The following PLOD2 variants were observed in gnomAD, a reference collection of about 807,000 sequenced individuals.
The protein encoded by PLOD2 is lysine hydroxylase 2.
PLOD2 carries 65 observed loss-of-function variants against 101.0 expected under a neutral mutation model. The ratio of observed to expected loss-of-function variants is 0.64; its 90% CI spans 0.53 to 0.79. PLOD2 has a LOEUF of 0.79. Among genes scored for constraint, PLOD2 ranks in the 30% least tolerant of loss-of-function variants. The probability of loss-of-function intolerance (pLI) is 0.00; values close to 1 mark genes in which losing one functional copy is unlikely to be tolerated. For missense variants in PLOD2, 909 were observed against 914.6 expected (o/e 0.99, Z 0.08); for synonymous variants, 314 against 302.9 (o/e 1.04, Z -0.38).
At chr3:146,074,794 A>G (rs2107997717) in intron 15 of PLOD2, among the ~76,000 whole-genome samples, 1 of 151,672 alleles carries the variant, frequency 6.6e-6, no homozygotes, top group Admixed American at 6.6e-5. Context: ...CATTGAGCAA[A>G]CTGTGACTTT....
At chr3:146,087,825 T>C (rs1277130878) in intron 9 of PLOD2, among the ~76,000 whole-genome samples, 1 of 151,860 alleles carries the variant, frequency 6.6e-6, no homozygotes, top group Non-Finnish European at 1.5e-5. Context: ...AAATGCTCAA[T>C]TTTTCACCAT....
chr3:146,132,174 C>T (rs1296339214), intron 1 of PLOD2, among the ~76,000 whole-genome samples: 1 of 152,090 alleles, frequency 6.6e-6, no homozygotes, highest in Non-Finnish European at 1.5e-5. Context: ...GGGTAGTATG[C>T]AGAATGACTC....
At chr3:146,123,815 T>C (rs1171124924) in intron 2 of PLOD2, among the ~76,000 whole-genome samples, 2 of 152,070 alleles carry the variant, frequency 1.3e-5, no homozygotes, top group South Asian at 2.1e-4. Context: ...AAATTATTGT[T>C]TGAGTGGCAC....
intron 5 of PLOD2, among the ~76,000 whole-genome samples, chr3:146,104,825 G>A (rs78359787): frequency 0.022 from 3,338 of 152,198 alleles, 58 homozygotes; most frequent in Middle Eastern, 0.075. Context: ...GCATATATCT[G>A]CTTAAAATAA....
intron 19 of PLOD2, 64 bp downstream of exon 19, chr3:146,070,978 C>A (rs538247828): frequency 9.7e-4 from 1,483 of 1,530,348 alleles, no homozygotes; most frequent in Non-Finnish European, 1.3e-3. Context: ...AGGCCTAAGG[C>A]AAAGTCCTTT....
At chr3:146,117,732 A>C (rs890354454) in intron 3 of PLOD2, among the ~76,000 whole-genome samples, 2 of 152,120 alleles carry the variant, frequency 1.3e-5, no homozygotes, top group African/African-American at 4.8e-5. Context: ...TATATATCCC[A>C]AACACTAACA....
In PLOD2 at chr3:146,072,609, C is replaced by T. The variant is rs754335319; in HGVS notation, c.1800G>A (p.Leu600=). 1.2e-6 allele frequency: 2 copies of T among 1,610,642 alleles called. No homozygotes were observed. Among genetic ancestry groups the T allele is most frequent in the Non-Finnish European group, 1.7e-6 (2 of 1,177,708 alleles). ...PIFSEKACDE[L]VEEMEHYGKW... ...TGCCGTAATGTTCCATTTCTTCTAC[C>T]AATTCATCACAGGCTTTTTCAGAAA... The change falls in exon 17 of 20, where the codon TTG becomes TTA. Residue 600 remains leucine (L), a synonymous_variant. Transcript: ENST00000282903.
intron 15 of PLOD2, among the ~76,000 whole-genome samples, chr3:146,074,365 A>G (rs1042461537): frequency 9.2e-5 from 14 of 151,536 alleles, no homozygotes; most frequent in African/African-American, 1.5e-4. Context: ...CAATCAAAAG[A>G]TGTTTTAAAA....
intron 16 of PLOD2, 61 bp from the exon 17 acceptor site, chr3:146,072,726 T>C (rs528386707): frequency 4.0e-6 from 4 of 1,012,498 alleles, no homozygotes; most frequent in Middle Eastern, 2.1e-4. Context: ...TAGTCTAAAA[T>C]AGTTATTTTA....
At chr3:146,148,071 G>A (rs1018182204) in intron 1 of PLOD2, among the ~76,000 whole-genome samples, 2 of 151,730 alleles carry the variant, frequency 1.3e-5, no homozygotes, top group African/African-American at 4.9e-5. Context: ...GAAGCTACCA[G>A]AGTCCTGCAG....
At chr3:146,083,683 A>G (rs1014047864) in intron 11 of PLOD2, among the ~76,000 whole-genome samples, 19 of 147,936 alleles carry the variant, frequency 1.3e-4, no homozygotes, top group Non-Finnish European at 2.7e-4. Context: ...CTGGGTTCAC[A>G]CCATTCTCCT....
chr3:146,102,175 C>T (rs531081071), intron 7 of PLOD2, among the ~76,000 whole-genome samples: 17 of 152,238 alleles, frequency 1.1e-4, no homozygotes, highest in Middle Eastern at 3.4e-3. Flanking sequence ...AATTTATGTT[C>T]CAGCTTGATT....
chr3:146,099,070 A>AT (rs1937296000), intron 7 of PLOD2, among the ~76,000 whole-genome samples: 1 of 152,164 alleles, frequency 6.6e-6, no homozygotes, highest in Non-Finnish European at 1.5e-5. Flanking sequence ...TTCATATTTT[A>AT]TTGTCTAATA....
At chr3:146,074,388 A>C (rs1191623619) in intron 15 of PLOD2, among the ~76,000 whole-genome samples, 4 of 151,564 alleles carry the variant, frequency 2.6e-5, no homozygotes, top group Non-Finnish European at 5.9e-5. Context: ...TATTTGCCTT[A>C]AATACATCTT....
intron 7 of PLOD2, among the ~76,000 whole-genome samples, chr3:146,095,276 C>A (rs1476760275): frequency 6.6e-6 from 1 of 150,604 alleles, no homozygotes; most frequent in African/African-American, 2.4e-5. Flanking sequence ...TCAGAGTGAA[C>A]AGGCAACCTA....
intron 6 of PLOD2, among the ~76,000 whole-genome samples, chr3:146,103,826 TACACAC>T (rs3059069): frequency 0.32 from 46,617 of 146,304 alleles, 8,200 homozygotes; most frequent in South Asian, 0.45. Context: ...CACGAGCATG[TACACAC>T]ACACACACAC....
chr3:146,081,991 G>A (rs1435559219), intron 11 of PLOD2, 128 bp from the exon 12 acceptor site: 4 of 595,798 alleles, frequency 6.7e-6, no homozygotes, highest in Non-Finnish European at 1.1e-5. Context: ...CAACAAACCT[G>A]TAGTTAATAA....
chr3:146,110,006 T>C (rs1022149323), intron 4 of PLOD2, among the ~76,000 whole-genome samples: 2 of 152,182 alleles, frequency 1.3e-5, no homozygotes, highest in Admixed American at 1.3e-4. Flanking sequence ...ACTGGATCCA[T>C]ACTTTTCTTC....
At chr3:146,083,936 G>A (rs1272732844) in intron 11 of PLOD2, among the ~76,000 whole-genome samples, 1 of 151,046 alleles carries the variant, frequency 6.6e-6, no homozygotes, top group Non-Finnish European at 1.5e-5. Flanking sequence ...AGGGATATAT[G>A]TCAAATACAT....
Sources: allele counts gnomAD v4.1 joint callset (sites outside exome capture counted in the v4.1 genomes callset), GRCh38; gene constraint gnomAD v4.1.1; transcripts MANE v1.5; gene names NCBI Gene and HGNC (gene_info 2026-07-23, HGNC 2026-07-21).